TMEM263: variants seen among roughly 807,000 people sequenced by gnomAD.
The protein encoded by TMEM263 is UPF0444 transmembrane protein C12orf23.
A neutral mutation model predicts 8.6 loss-of-function variants in TMEM263; 5 were observed. That is an observed-to-expected ratio of 0.58 (90% CI 0.31 to 1.23). The LOEUF (loss-of-function observed/expected upper bound fraction) is 1.23, where lower values mean the gene tolerates loss of function less well. TMEM263 is among the 50% of genes most tolerant of loss of function. The probability of loss-of-function intolerance (pLI) is 0.07; values close to 1 mark genes in which losing one functional copy is unlikely to be tolerated. For synonymous variants in TMEM263, 50 were observed against 47.9 expected, an observed-to-expected ratio of 1.04 and a Z score of -0.18; for missense variants, 104 against 138.8, an observed-to-expected ratio of 0.75 and a Z score of 1.26.
intron 2 of TMEM263, 33 bp downstream of exon 2, chr12:106,957,182 G>T: frequency 1.2e-6 from 1 of 816,970 alleles, no homozygotes; most frequent in Non-Finnish European, 1.4e-6. Flanking sequence ...GTGTGTGTGT[G>T]TGTGTGTGTG....
At chr12:106,961,155 T>G (rs1057183258) in intron 2 of TMEM263, among the ~76,000 whole-genome samples, 1 of 151,552 alleles carries the variant, frequency 6.6e-6, no homozygotes, top group African/African-American at 2.4e-5. Context: ...ACTCCTGGGC[T>G]TAAGCAGTTC....
rs541904597 is a variant in TMEM263, at chr12:106,967,817, T to C, written c.64+637T>C. On this transcript the variant is annotated intron_variant, in intron 3 of 3. Coordinates refer to ENST00000280756, the MANE Select transcript of TMEM263 (RefSeq NM_152261.4). Reference sequence around the variant, plus strand: ...GGATGGACTGTGTTTAGTTTTGATATCCTGCATACAAAATCAGCCTAATGC... The same window carrying C: ...GGATGGACTGTGTTTAGTTTTGATACCCTGCATACAAAATCAGCCTAATGC... Among the ~76,000 whole-genome samples, 3 of 152,336 alleles carry C rather than the reference T, an allele frequency of 2.0e-5. No homozygotes were observed. In the South Asian group the frequency reaches 6.2e-4, roughly 32 times the overall value.
intron 2 of TMEM263, among the ~76,000 whole-genome samples, chr12:106,961,981 A>G (rs1281489631): frequency 6.6e-6 from 1 of 152,236 alleles, no homozygotes; most frequent in Non-Finnish European, 1.5e-5. Flanking sequence ...CATAATCTTT[A>G]AAAATATTTA....
At chr12:106,956,995 T>A in intron 1 of TMEM263, 87 bp from the exon 2 acceptor site, 4 of 845,698 alleles carry the variant, frequency 4.7e-6, no homozygotes, top group Non-Finnish European at 5.7e-6. Flanking sequence ...GGTTCTTAAT[T>A]TGATTTTTGC....
At chr12:106,964,911 G>C (rs930560907) in intron 2 of TMEM263, among the ~76,000 whole-genome samples, 2 of 152,188 alleles carry the variant, frequency 1.3e-5, no homozygotes, top group African/African-American at 4.8e-5. Context: ...GTTTCCTAAT[G>C]GGACTTTCTG....
intron 2 of TMEM263, among the ~76,000 whole-genome samples, chr12:106,963,867 G>A (rs571250828): frequency 1.3e-5 from 2 of 152,314 alleles, no homozygotes; most frequent in South Asian, 4.1e-4. Flanking sequence ...AGGGATTTAT[G>A]GGGTAGGCAC....
At chr12:106,959,926 A>G (rs1438316358) in intron 2 of TMEM263, among the ~76,000 whole-genome samples, 1 of 152,234 alleles carries the variant, frequency 6.6e-6, no homozygotes, top group East Asian at 1.9e-4. Flanking sequence ...CTTTTTAATT[A>G]ATTAAAAATT....
rs1951682774 is a variant in TMEM263 at position 106,956,014 on chromosome 12, G to A, written c.-126G>A. The A allele has an allele frequency of 1.0e-6, 1 of 985,954 alleles. No individual in the cohort carries two copies. The highest frequency in any genetic ancestry group is 1.2e-6 in the Non-Finnish European group (1 of 830,404). 61.1% of individuals were successfully genotyped at this position (985,954 alleles called of 1,614,324 possible). A position where few individuals can be genotyped will look rare whatever the true frequency, so the allele number is the denominator to read the frequency against. ...GGCCGCCTCAGCTCTCCTCTGCGCCGGCCCGCTCACTCCGCCCGGCCCCAG... is the reference window on the plus strand; with the variant it reads ...GGCCGCCTCAGCTCTCCTCTGCGCCAGCCCGCTCACTCCGCCCGGCCCCAG... On this transcript the variant is annotated 5_prime_UTR_variant, in exon 1 of 4. Coordinates refer to ENST00000280756, the MANE Select transcript of TMEM263 (RefSeq NM_152261.4).
chr12:106,960,258 C>T (rs901063844), intron 2 of TMEM263, among the ~76,000 whole-genome samples: 1 of 151,936 alleles, frequency 6.6e-6, no homozygotes, highest in Non-Finnish European at 1.5e-5. Context: ...TGGTCTCGAA[C>T]TCCTGACCTC....
chr12:106,959,723 A>G (rs1036643204), intron 2 of TMEM263, among the ~76,000 whole-genome samples: 4 of 152,230 alleles, frequency 2.6e-5, no homozygotes, highest in African/African-American at 9.7e-5. Context: ...TTAGTAACGA[A>G]GTGGCAATAT....
chr12:106,973,565 A>T lies in TMEM263; in HGVS notation c.*2174A>T, dbSNP rs1184271741. 1.3e-5 allele frequency: 2 copies of T among 152,482 alleles called. No homozygotes were observed. Among genetic ancestry groups the T allele is most frequent in the Non-Finnish European group, 2.9e-5 (2 of 68,014 alleles). The allele number at this position is 152,482 out of a possible 1,614,324, so 9.4% of individuals were successfully genotyped here. ...AATTCTAAACTATAAGTTTGTTCAGAGGGGCTTTTGCAATGATAGCAGAAA... is the reference window on the plus strand; with the variant it reads ...AATTCTAAACTATAAGTTTGTTCAGTGGGGCTTTTGCAATGATAGCAGAAA... On this transcript the variant is annotated 3_prime_UTR_variant, in exon 4 of 4. Coordinates refer to ENST00000280756, the MANE Select transcript of TMEM263 (RefSeq NM_152261.4).
intron 2 of TMEM263, among the ~76,000 whole-genome samples, chr12:106,961,262 T>A (rs4597159): frequency 1.0e-5 from 1 of 95,906 alleles, no homozygotes; most frequent in Non-Finnish European, 2.0e-5. Context: ...TTTTTTTTTG[T>A]GGAGACGGAG....
At chr12:106,957,502 A>T (rs1233752514) in intron 2 of TMEM263, among the ~76,000 whole-genome samples, 1 of 151,056 alleles carries the variant, frequency 6.6e-6, no homozygotes, top group Non-Finnish European at 1.5e-5. Flanking sequence ...TGTTTCAGTT[A>T]TTCGGTATTT....
intron 2 of TMEM263, among the ~76,000 whole-genome samples, chr12:106,966,107 AAT>A (rs1250609496): frequency 1.3e-5 from 2 of 152,178 alleles, no homozygotes; most frequent in Admixed American, 1.3e-4. Flanking sequence ...CATAGTACTC[AAT>A]AGATAGTTTT....
rs1037210787 is a variant in TMEM263 at position 106,971,869 on chromosome 12, C to G, written c.*478C>G. 4 of 152,986 alleles carry G rather than the reference C, an allele frequency of 2.6e-5. No homozygotes were observed. The highest frequency in any genetic ancestry group is 9.6e-5 in the African/African-American group (4 of 41,564). 9.5% of individuals were successfully genotyped at this position (152,986 alleles called of 1,614,324 possible). ...TGATTAGGCCAAGAGGCATTCATTT[C>G]TTATTTAAGCTGGCAAAATTAGCAG... On this transcript the variant is annotated 3_prime_UTR_variant, in exon 4 of 4. Transcript: ENST00000280756.
At chr12:106,970,667 C>A (rs1306173420) in intron 3 of TMEM263, among the ~76,000 whole-genome samples, 2 of 152,170 alleles carry the variant, frequency 1.3e-5, no homozygotes. Flanking sequence ...CCAGACCATA[C>A]CTTGAAAACT....
intron 2 of TMEM263, among the ~76,000 whole-genome samples, chr12:106,957,404 G>C (rs966639019): frequency 6.6e-6 from 1 of 151,818 alleles, no homozygotes; most frequent in Non-Finnish European, 1.5e-5. Flanking sequence ...AAATTATAAC[G>C]GTTGCTACAT....
rs773382580 is a variant in TMEM263 at position 106,971,287 on chromosome 12, G to A, written c.247G>A (p.Val83Met). Residue 83 changes from valine to methionine, a missense_variant, in exon 4 of 4, where the codon GTG becomes ATG. Coordinates refer to ENST00000280756, the MANE Select transcript of TMEM263 (RefSeq NM_152261.4). ...TGTGCCTTCCATGGGAATAGGGCTG[G>A]TGAAAGGGGGTGTCTCTGCTGTGGC... Reference protein sequence around the residue: ...TTVPSMGIGLVKGGVSAVAGG... With the variant: ...TTVPSMGIGLMKGGVSAVAGG... 2 of 1,614,122 alleles carry A rather than the reference G, an allele frequency of 1.2e-6. No individual in the cohort carries two copies. Among genetic ancestry groups the A allele is most frequent in the African/African-American group, 2.7e-5 (2 of 74,940 alleles).
At chr12:106,962,163 T>C (rs1951785102) in intron 2 of TMEM263, among the ~76,000 whole-genome samples, 1 of 152,224 alleles carries the variant, frequency 6.6e-6, no homozygotes, top group Non-Finnish European at 1.5e-5. Flanking sequence ...ATATAAATGC[T>C]ATGTATACTA....
Sources: allele counts gnomAD v4.1 joint callset (sites outside exome capture counted in the v4.1 genomes callset), GRCh38; gene constraint gnomAD v4.1.1; transcripts MANE v1.5; gene names NCBI Gene and HGNC (gene_info 2026-07-23, HGNC 2026-07-21).